GTPBP10: variants seen among roughly 807,000 people sequenced by gnomAD.
The protein encoded by GTPBP10 is GTP binding protein 10.
A neutral mutation model predicts 44.8 loss-of-function variants in GTPBP10; 38 were observed. The ratio of observed to expected loss-of-function variants is 0.85; its 90% CI spans 0.65 to 1.11. GTPBP10 has a LOEUF of 1.11. Among genes scored for constraint, GTPBP10 ranks in the 50% most tolerant of loss-of-function variants. The pLI, the probability that GTPBP10 is intolerant of heterozygous loss-of-function variation, is 0.00. For missense variants in GTPBP10, 462 were observed against 453.7 expected (o/e 1.02, Z -0.17); for synonymous variants, 152 against 150.6 (o/e 1.01, Z -0.07).
chr7:90,355,328 A>T (rs937301377), intron 4 of GTPBP10, 98 bp downstream of exon 4: 6 of 791,964 alleles, frequency 7.6e-6, no homozygotes, highest in Non-Finnish European at 1.2e-5. Context: ...AATTATTTCT[A>T]ATTTATGGAA....
At chr7:90,346,820 C>T in intron 1 of GTPBP10, 46 bp downstream of exon 1, 1 of 1,592,008 alleles carries the variant, frequency 6.3e-7, no homozygotes, top group Non-Finnish European at 8.6e-7. Flanking sequence ...GCTGACAGCT[C>T]TGGTTCTTCT....
At chr7:90,373,151 A>G (rs1383597757) in intron 5 of GTPBP10, among the ~76,000 whole-genome samples, 2 of 152,194 alleles carry the variant, frequency 1.3e-5, no homozygotes, top group Non-Finnish European at 2.9e-5. Flanking sequence ...ACATGAAATA[A>G]GGGAAAGAAT....
At chr7:90,373,841 A>G (rs1044355575) in intron 5 of GTPBP10, among the ~76,000 whole-genome samples, 2 of 152,110 alleles carry the variant, frequency 1.3e-5, no homozygotes, top group South Asian at 2.1e-4. Flanking sequence ...TCCAAATACT[A>G]TTTATTCATT....
At chr7:90,379,789 A>G (rs1040836086) in intron 8 of GTPBP10, among the ~76,000 whole-genome samples, 7 of 152,234 alleles carry the variant, frequency 4.6e-5, no homozygotes, top group African/African-American at 1.7e-4. Flanking sequence ...CAGTCCCACC[A>G]TCAATGTATG....
At chr7:90,359,974 T>G (rs1002200139) in intron 4 of GTPBP10, among the ~76,000 whole-genome samples, 6 of 152,196 alleles carry the variant, frequency 3.9e-5, no homozygotes, top group African/African-American at 1.2e-4. Flanking sequence ...TCGCCCACTT[T>G]TTGATGGGGT....
intron 2 of GTPBP10, among the ~76,000 whole-genome samples, chr7:90,354,071 A>G (rs1224219521): frequency 6.6e-6 from 1 of 151,924 alleles, no homozygotes; most frequent in Non-Finnish European, 1.5e-5. Context: ...TGGACTCAAG[A>G]GATCCTCCTG....
intron 4 of GTPBP10, among the ~76,000 whole-genome samples, chr7:90,368,984 T>C (rs1018483455): frequency 6.6e-6 from 1 of 152,224 alleles, no homozygotes; most frequent in African/African-American, 2.4e-5. Context: ...TTGGTGTGCA[T>C]GTGCTTTTTG....
Position 90,385,378 on chromosome 7 carries a change from G to C in GTPBP10, c.*224G>C, listed in dbSNP as rs1015064442. ...GGCAGTGGAGGATTGAGGAGATATT[G>C]GTCAAAATTTACAAAATTTCAGTTA... On this transcript the variant is annotated 3_prime_UTR_variant, in exon 10 of 10. Coordinates refer to ENST00000222511, the MANE Select transcript of GTPBP10 (RefSeq NM_033107.4). 1.2e-4 allele frequency: 41 copies of C among 344,486 alleles called. No individual in the cohort carries two copies. The highest frequency in any genetic ancestry group is 1.7e-4 in the Non-Finnish European group (33 of 192,790). 21.3% of individuals were successfully genotyped at this position (344,486 alleles called of 1,614,324 possible).
At chr7:90,366,322 C>T (rs1469898487) in intron 4 of GTPBP10, among the ~76,000 whole-genome samples, 2 of 152,088 alleles carry the variant, frequency 1.3e-5, no homozygotes, top group Non-Finnish European at 2.9e-5. Flanking sequence ...CCCTCTTTTT[C>T]TATTGAATGG....
intron 4 of GTPBP10, among the ~76,000 whole-genome samples, chr7:90,366,580 A>G (rs1444789973): frequency 1.3e-5 from 2 of 151,954 alleles, no homozygotes; most frequent in African/African-American, 2.4e-5. Context: ...TGTTTATAGT[A>G]TTGTCTGATG....
At chr7:90,376,141 G>A (rs564167242) in intron 6 of GTPBP10, among the ~76,000 whole-genome samples, 6 of 151,816 alleles carry the variant, frequency 4.0e-5, no homozygotes, top group Admixed American at 3.3e-4. Context: ...AGGCTGAGGC[G>A]GGAGAATGGC....
intron 1 of GTPBP10, among the ~76,000 whole-genome samples, chr7:90,351,024 C>G (rs1312448256): frequency 6.6e-6 from 1 of 152,186 alleles, no homozygotes; most frequent in Non-Finnish European, 1.5e-5. Flanking sequence ...ATAAAATGTA[C>G]TGGCAAGATG....
intron 3 of GTPBP10, 24 bp from the exon 4 acceptor site, chr7:90,355,058 TGTAA>T: frequency 2.8e-6 from 4 of 1,441,296 alleles, no homozygotes; most frequent in African/African-American, 1.4e-5. Flanking sequence ...TAATCTTTGC[TGTAA>T]GTATTTCTCT....
chr7:90,386,445 T>C lies in GTPBP10; in HGVS notation c.*1291T>C, dbSNP rs568583448. The C allele has an allele frequency of 6.6e-6, 1 of 152,346 alleles. No homozygotes were observed. The highest frequency in any genetic ancestry group is 1.9e-4 in the East Asian group (1 of 5,194). 9.4% of individuals were successfully genotyped at this position (152,346 alleles called of 1,614,324 possible). ...AATTGGAGGAGACTGATCTATATTG[T>C]TTCATTTTTCTTTTGTCCTAGTCTA... is the stretch of plus-strand genomic sequence containing the variant. On this transcript the variant is annotated 3_prime_UTR_variant, in exon 10 of 10. Transcript: ENST00000222511.
chr7:90,367,493 G>A (rs1796158208), intron 4 of GTPBP10, among the ~76,000 whole-genome samples: 1 of 152,194 alleles, frequency 6.6e-6, no homozygotes, highest in African/African-American at 2.4e-5. Flanking sequence ...ATTTAGGATA[G>A]TTAGCTCTTC....
chr7:90,354,849 C>G (rs1795863615), intron 3 of GTPBP10, among the ~76,000 whole-genome samples: 1 of 152,024 alleles, frequency 6.6e-6, no homozygotes, highest in South Asian at 2.1e-4. Flanking sequence ...ATTTCCTGGA[C>G]TGTTTTTCTG....
intron 6 of GTPBP10, among the ~76,000 whole-genome samples, chr7:90,376,542 T>A (rs1253287786): frequency 6.6e-6 from 1 of 152,208 alleles, no homozygotes; most frequent in Non-Finnish European, 1.5e-5. Flanking sequence ...CCTCATGTAA[T>A]GCCATGAGAT....
rs1392474520 is a variant in GTPBP10, at chr7:90,385,101, A to G, written c.1111A>G (p.Thr371Ala). ...GTGGATTTCTGATACAATGTCTTCT[A>G]CTGAGCCACCATCAAAGCATGCTGT... ...NLWISDTMSS[T>A]EPPSKHAVTT... Residue 371 changes from threonine (T) to alanine (A), a missense_variant, in exon 10 of 10, where the codon ACT (threonine) becomes GCT (alanine). By Grantham distance (58) the Thr-to-Ala change is moderately conservative (BLOSUM62 0). Transcript: ENST00000222511. The G allele has an allele frequency of 2.5e-6, 4 of 1,612,566 alleles. No individual in the cohort carries two copies. The highest frequency in any genetic ancestry group is 3.4e-6 in the Non-Finnish European group (4 of 1,178,808).
intron 4 of GTPBP10, chr7:90,371,161 T>C: frequency 3.1e-6 from 3 of 953,838 alleles, no homozygotes; most frequent in Non-Finnish European, 3.7e-6. Context: ...CTTGTTTGCA[T>C]AAAGAAAAAG....
Sources: gnomAD v4.1 joint callset for allele counts (sites outside exome capture counted in the v4.1 genomes callset) on GRCh38, gnomAD v4.1.1 for gene constraint, MANE v1.5 for transcripts, NCBI Gene and HGNC (gene_info 2026-07-23, HGNC 2026-07-21) for gene names.